ZNF385D: variants seen among roughly 807,000 people sequenced by gnomAD.
ZNF385D encodes the protein zinc finger protein 385D, also known as zinc finger protein 659.
Under a neutral mutation model 35.8 loss-of-function variants are expected in ZNF385D, and 15 were observed. That is an observed-to-expected ratio of 0.42 (90% CI 0.28 to 0.64). ZNF385D has a LOEUF of 0.64. ZNF385D is among the 30% of genes least tolerant of loss of function. The probability of loss-of-function intolerance (pLI) is 0.23; values close to 1 mark genes in which losing one functional copy is unlikely to be tolerated. For missense variants in ZNF385D, 474 were observed against 494.6 expected (o/e 0.96, Z 0.39); for synonymous variants, 212 against 186.8 (o/e 1.13, Z -1.10).
intron 3 of ZNF385D, among the ~76,000 whole-genome samples, chr3:21,879,460 G>A (rs1053111597): frequency 2.6e-5 from 4 of 151,930 alleles, no homozygotes; most frequent in Non-Finnish European, 5.9e-5. Flanking sequence ...CACCTAATAC[G>A]AATAGCAAGA....
In ZNF385D at chr3:22,263,959, G is replaced by C. The variant is rs534213598; in HGVS notation, c.107-94924C>G. 2.5e-4 allele frequency among the ~76,000 whole-genome samples: 38 copies of C among 152,030 alleles called. 1 individual carries two copies. The South Asian group carries it at 7.3e-3, about 29-fold the overall frequency. ...AAAAGGTTAAAAATTATAAGAGAAG[G>C]AATATTCCTAAACAGAAATCACTTT... On this transcript the variant is annotated intron_variant, in intron 2 of 5. Coordinates refer to the ZNF385D transcript ENST00000494108.
chr3:21,654,032 A>T (rs2065999083), intron 2 of ZNF385D, among the ~76,000 whole-genome samples: 1 of 152,030 alleles, frequency 6.6e-6, no homozygotes, highest in Non-Finnish European at 1.5e-5. Context: ...GATTTCTTTA[A>T]AGAAACTGCT....
At chr3:21,477,259 ACAAAC>A (rs1704314553) in intron 4 of ZNF385D, among the ~76,000 whole-genome samples, 1 of 151,900 alleles carries the variant, frequency 6.6e-6, no homozygotes, top group Non-Finnish European at 1.5e-5. Context: ...ACTAAACAAA[ACAAAC>A]AAAACAAACA....
intron 3 of ZNF385D, among the ~76,000 whole-genome samples, chr3:22,091,086 A>G (rs1259516186): frequency 6.6e-6 from 1 of 152,148 alleles, no homozygotes; most frequent in African/African-American, 2.4e-5. Context: ...AGAATATAAC[A>G]CTAGATAAGG....
At chr3:22,223,727 T>C (rs529216769) in intron 2 of ZNF385D, among the ~76,000 whole-genome samples, 14 of 152,274 alleles carry the variant, frequency 9.2e-5, no homozygotes, top group African/African-American at 3.1e-4. Flanking sequence ...CAACAACGTG[T>C]CAAGAGAAAA....
At chr3:22,331,696 T>G (rs116004202) in intron 2 of ZNF385D, among the ~76,000 whole-genome samples, 2 of 152,166 alleles carry the variant, frequency 1.3e-5, no homozygotes, top group Non-Finnish European at 2.9e-5. Flanking sequence ...GTATCAGCTA[T>G]AGACTACCAA....
chr3:21,740,473 C>T (rs2069458887), intron 1 of ZNF385D, among the ~76,000 whole-genome samples: 2 of 152,150 alleles, frequency 1.3e-5, no homozygotes, highest in African/African-American at 2.4e-5. Context: ...AACTATATTA[C>T]TGTGATCCTG....
chr3:21,515,481 A>G (rs554504896), intron 3 of ZNF385D, among the ~76,000 whole-genome samples: 3 of 152,242 alleles, frequency 2.0e-5, no homozygotes, highest in Non-Finnish European at 4.4e-5. Context: ...ATTTTATCAT[A>G]TATTAAATTT....
At chr3:22,372,363 C>T in intron 2 of ZNF385D, 1 of 875,298 alleles carries the variant, frequency 1.1e-6, no homozygotes, top group Non-Finnish European at 1.4e-6. Flanking sequence ...CCTGGTATCC[C>T]GCAGGGGCGC....
intron 3 of ZNF385D, among the ~76,000 whole-genome samples, chr3:21,934,259 G>T: frequency 6.6e-6 from 1 of 152,036 alleles, no homozygotes. Context: ...CTTTTTGGAT[G>T]GGAAGATATT....
At chr3:21,784,548 T>C (rs370393906) in intron 3 of ZNF385D, among the ~76,000 whole-genome samples, 2 of 152,208 alleles carry the variant, frequency 1.3e-5, no homozygotes, top group South Asian at 2.1e-4. Flanking sequence ...GATTAGGGCA[T>C]AGACTAGGTG....
intron 2 of ZNF385D, among the ~76,000 whole-genome samples, chr3:22,315,377 T>G (rs1575103646): frequency 6.6e-6 from 1 of 152,176 alleles, no homozygotes; most frequent in Non-Finnish European, 1.5e-5. Context: ...AAGGTTAATG[T>G]CTAAAATAGG....
chr3:22,308,215 TTACTC>T (rs763945079), intron 2 of ZNF385D, among the ~76,000 whole-genome samples: 8 of 152,210 alleles, frequency 5.3e-5, no homozygotes, highest in African/African-American at 1.7e-4. Flanking sequence ...AGAAAATAGT[TTACTC>T]TAAGTTGCAT....
intron 5 of ZNF385D, among the ~76,000 whole-genome samples, chr3:21,434,556 C>T (rs919319736): frequency 2.6e-5 from 4 of 152,168 alleles, no homozygotes. Flanking sequence ...TTATCCACAT[C>T]TGGAAGAAAT....
At chr3:21,690,390 C>A (rs947485020) in intron 1 of ZNF385D, among the ~76,000 whole-genome samples, 1 of 152,176 alleles carries the variant, frequency 6.6e-6, no homozygotes, top group Non-Finnish European at 1.5e-5. Context: ...TCTGACCCTG[C>A]AGACCTACAG....
chr3:21,969,580 C>A (rs1054879411), intron 3 of ZNF385D, among the ~76,000 whole-genome samples: 1 of 152,162 alleles, frequency 6.6e-6, no homozygotes, highest in Non-Finnish European at 1.5e-5. Context: ...TGACTCCAGG[C>A]CCTGGTCCTG....
At chr3:22,095,084 C>CCTTCTTTTTTT (rs1559364629) in intron 3 of ZNF385D, among the ~76,000 whole-genome samples, 1 of 121,282 alleles carries the variant, frequency 8.2e-6, no homozygotes, top group Non-Finnish European at 1.8e-5. Flanking sequence ...TTTTTTCATT[C>CCTTCTTTTTTT]TTTCTTTTTT....
rs115436123 is a variant in ZNF385D, at chr3:22,071,761, A to C, written c.325+97056T>G. On this transcript the variant is annotated intron_variant, in intron 3 of 5. Transcript: ENST00000494108. ...TATCTTTTCTCTATGGACACCAACA[A>C]GATTAGTAAAAGGCCTAAATCTAGT... Among the ~76,000 whole-genome samples, 422 of 152,232 alleles carry C rather than the reference A, an allele frequency of 2.8e-3. 1 individual carries two copies. The highest frequency in any genetic ancestry group is 9.8e-3 in the African/African-American group (408 of 41,548).
At chr3:22,026,658 C>G (rs1407065515) in intron 3 of ZNF385D, among the ~76,000 whole-genome samples, 3 of 152,162 alleles carry the variant, frequency 2.0e-5, no homozygotes, top group African/African-American at 7.2e-5. Context: ...TGGCAGAGTC[C>G]TCACATTGAC....
Sources: gnomAD v4.1 joint callset for allele counts (sites outside exome capture counted in the v4.1 genomes callset) on GRCh38, gnomAD v4.1.1 for gene constraint, MANE v1.5 for transcripts, NCBI Gene and HGNC (gene_info 2026-07-23, HGNC 2026-07-21) for gene names.